PDZRN4: variants seen among roughly 807,000 people sequenced by gnomAD.
PDZRN4 encodes the protein PDZ domain-containing RING finger protein 4.
Under a neutral mutation model 99.0 loss-of-function variants are expected in PDZRN4, and 70 were observed. The observed-to-expected ratio is 0.71, with a 90% CI of 0.58 to 0.86. The LOEUF is 0.86. PDZRN4 is among the 40% of genes least tolerant of loss of function. PDZRN4 has a pLI of 0.00. For missense variants in PDZRN4, 1,474 were observed against 1,331.2 expected (o/e 1.11, Z -1.67); for synonymous variants, 551 against 501.6 (o/e 1.10, Z -1.32).
At chr12:41,339,646 C>T (rs898742616) in intron 3 of PDZRN4, among the ~76,000 whole-genome samples, 3 of 151,846 alleles carry the variant, frequency 2.0e-5, no homozygotes, top group African/African-American at 7.3e-5. Context: ...ACAGACAACC[C>T]ATAGAATGGG....
At chr12:41,502,682 C>T (rs904289491) in intron 3 of PDZRN4, among the ~76,000 whole-genome samples, 3 of 152,056 alleles carry the variant, frequency 2.0e-5, no homozygotes, top group African/African-American at 7.2e-5. Flanking sequence ...ATAGTTTCTT[C>T]ACCTTTAGTC....
chr12:41,557,148 CAAAAA>C (rs112787721), intron 7 of PDZRN4, among the ~76,000 whole-genome samples: 2 of 57,982 alleles, frequency 3.4e-5, no homozygotes, highest in Non-Finnish European at 9.2e-5. Context: ...GAGACACTCT[CAAAAA>C]AAAAAAAAAA....
At chr12:41,499,084 G>T (rs762311009) in intron 3 of PDZRN4, among the ~76,000 whole-genome samples, 1 of 152,066 alleles carries the variant, frequency 6.6e-6, no homozygotes, top group East Asian at 1.9e-4. Flanking sequence ...AGAGAGAGAC[G>T]TTCTTACTAC....
intron 3 of PDZRN4, among the ~76,000 whole-genome samples, chr12:41,462,409 G>T (rs1246266851): frequency 6.6e-6 from 1 of 152,130 alleles, no homozygotes; most frequent in Non-Finnish European, 1.5e-5. Context: ...ACTCTAAAAA[G>T]GTATTGACAT....
At chr12:41,486,360 C>T (rs1175417151) in intron 3 of PDZRN4, among the ~76,000 whole-genome samples, 1 of 152,124 alleles carries the variant, frequency 6.6e-6, no homozygotes, top group African/African-American at 2.4e-5. Context: ...GGGGTTCAAA[C>T]CTCATTGCTT....
At position 41,248,470 on chromosome 12, in the gene PDZRN4, T is replaced by G. The variant is rs145710027; in HGVS notation, c.843+54282T>G. ...TGAAAGGAAAATGTTTACTTAGAAT[T>G]CAATGACTAAATCCAGTAAGTTAGT... On this transcript the variant is annotated intron_variant, in intron 3 of 9. Transcript: ENST00000402685. Among the ~76,000 whole-genome samples, 93 of 152,250 alleles carry G rather than the reference T, an allele frequency of 6.1e-4. 2 individuals carry two copies. The highest frequency in any genetic ancestry group is 2.1e-3 in the African/African-American group (86 of 41,556).
intron 3 of PDZRN4, among the ~76,000 whole-genome samples, chr12:41,456,125 G>A (rs894347974): frequency 3.3e-5 from 5 of 151,918 alleles, no homozygotes; most frequent in East Asian, 1.9e-4. Flanking sequence ...TCAAGCCATC[G>A]TCCACCCTGC....
chr12:41,491,944 T>C (rs1005186880), intron 3 of PDZRN4, among the ~76,000 whole-genome samples: 3 of 152,194 alleles, frequency 2.0e-5, no homozygotes, highest in African/African-American at 7.2e-5. Flanking sequence ...TCACTTGATA[T>C]AATTTTAATA....
At chr12:41,325,825 T>C (rs1951705869) in intron 3 of PDZRN4, among the ~76,000 whole-genome samples, 1 of 152,160 alleles carries the variant, frequency 6.6e-6, no homozygotes, top group Admixed American at 6.6e-5. Context: ...AAGAAATAAA[T>C]AGACTTAAAG....
chr12:41,277,410 C>T (rs1305434602), intron 3 of PDZRN4, among the ~76,000 whole-genome samples: 1 of 152,188 alleles, frequency 6.6e-6, no homozygotes, highest in African/African-American at 2.4e-5. Flanking sequence ...TTTGTTAGCT[C>T]ACAGGCACTG....
intron 3 of PDZRN4, among the ~76,000 whole-genome samples, chr12:41,292,514 T>C (rs1854330554): frequency 1.3e-5 from 2 of 152,206 alleles, no homozygotes. Context: ...GATTTGATCC[T>C]TACATTTCAG....
chr12:41,297,581 C>G (rs1951504583), intron 3 of PDZRN4, among the ~76,000 whole-genome samples: 1 of 152,036 alleles, frequency 6.6e-6, no homozygotes, highest in South Asian at 2.1e-4. Context: ...TGCTGGCTGG[C>G]CTAAAAGGTG....
chr12:41,301,705 G>A (rs1031135749), intron 3 of PDZRN4, among the ~76,000 whole-genome samples: 2 of 151,660 alleles, frequency 1.3e-5, no homozygotes, highest in African/African-American at 4.8e-5. Flanking sequence ...TTTTCACTGT[G>A]GCATAGCAAG....
At position 41,418,792 on chromosome 12, in the gene PDZRN4, A is replaced by G. The variant is rs114801025; in HGVS notation, c.844-87664A>G. On this transcript the variant is annotated intron_variant, in intron 3 of 9. Transcript: ENST00000402685. ...GCACATTCACCAGCAGCCAAGGGAA[A>G]AGGGTTTGGCTGGAGAAGAATCGTT... Among the ~76,000 whole-genome samples, 1,320 of 152,254 alleles carry G rather than the reference A, an allele frequency of 8.7e-3. 22 individuals are homozygous for G. The highest frequency in any genetic ancestry group is 0.03 in the African/African-American group (1,266 of 41,540).
chr12:41,461,620 C>A (rs149684449), intron 3 of PDZRN4, among the ~76,000 whole-genome samples: 1 of 152,124 alleles, frequency 6.6e-6, no homozygotes, highest in Admixed American at 6.5e-5. Flanking sequence ...ACCAGATTTA[C>A]CCAAATACAA....
chr12:41,291,470 G>A (rs77462935), intron 3 of PDZRN4, among the ~76,000 whole-genome samples: 1,732 of 152,016 alleles, frequency 0.011, 53 homozygotes, highest in East Asian at 0.097. Flanking sequence ...TTTTATTATC[G>A]GCAAATTGGG....
chr12:41,546,238 A>G (rs369106374), intron 5 of PDZRN4, among the ~76,000 whole-genome samples: 1 of 152,134 alleles, frequency 6.6e-6, no homozygotes, highest in African/African-American at 2.4e-5. Context: ...ACCACAATTG[A>G]CCTTCTTCTG....
At chr12:41,371,030 T>A (rs1952037941) in intron 3 of PDZRN4, among the ~76,000 whole-genome samples, 1 of 151,246 alleles carries the variant, frequency 6.6e-6, no homozygotes, top group South Asian at 2.1e-4. Context: ...ATCAACCGGC[T>A]CTCCATAAAG....
intron 3 of PDZRN4, among the ~76,000 whole-genome samples, chr12:41,329,676 A>G (rs1184040806): frequency 6.6e-6 from 1 of 152,132 alleles, no homozygotes; most frequent in Non-Finnish European, 1.5e-5. Flanking sequence ...AATGACTACT[A>G]AGAACAGGCA....
Sources: allele counts gnomAD v4.1 joint callset (sites outside exome capture counted in the v4.1 genomes callset), GRCh38; gene constraint gnomAD v4.1.1; transcripts MANE v1.5; gene names NCBI Gene and HGNC (gene_info 2026-07-23, HGNC 2026-07-21).